UBE2G1: variants seen among roughly 807,000 people sequenced by gnomAD.
UBE2G1 encodes the protein ubiquitin-conjugating enzyme E2 G1.
In UBE2G1, 5 loss-of-function variants were observed where a neutral mutation model predicts 22.7. The ratio of observed to expected loss-of-function variants is 0.22; its 90% confidence interval spans 0.12 to 0.46. The LOEUF is 0.46. Among genes scored for constraint, UBE2G1 ranks in the 20% least tolerant of loss-of-function variants. UBE2G1 has a pLI of 0.99. For synonymous variants in UBE2G1, 74 were observed against 67.5 expected (o/e 1.10, Z -0.47); for missense variants, 88 against 203.9 (o/e 0.43, Z 3.46).
intron 1 of UBE2G1, among the ~76,000 whole-genome samples, chr17:4,350,963 G>A (rs1206791454): frequency 6.6e-6 from 1 of 150,550 alleles, no homozygotes; most frequent in East Asian, 2.0e-4. Flanking sequence ...AACTCGGGAG[G>A]CAGAGCTTGC....
intron 1 of UBE2G1, among the ~76,000 whole-genome samples, chr17:4,361,769 G>A (rs1969970342): frequency 6.6e-6 from 1 of 151,660 alleles, no homozygotes; most frequent in South Asian, 2.1e-4. Flanking sequence ...CAAAAACCCT[G>A]TCTCTACTAA....
At chr17:4,287,972 T>C (rs1300746319) in intron 4 of UBE2G1, among the ~76,000 whole-genome samples, 4 of 152,052 alleles carry the variant, frequency 2.6e-5, no homozygotes, top group Admixed American at 2.6e-4. Flanking sequence ...TAAACAATAA[T>C]AGTACTACAT....
At chr17:4,298,648 T>G (rs187550997) in intron 2 of UBE2G1, among the ~76,000 whole-genome samples, 3 of 152,248 alleles carry the variant, frequency 2.0e-5, no homozygotes, top group Admixed American at 6.5e-5. Context: ...ATACAATTTT[T>G]TTAGTAAAAA....
chr17:4,366,437 G>T lies in UBE2G1; in HGVS notation c.-121C>A. The T allele has an allele frequency of 3.8e-6, 4 of 1,045,644 alleles. No individual in the cohort carries two copies. The highest frequency in any genetic ancestry group is 5.1e-6 in the Non-Finnish European group (4 of 791,672). 64.8% of individuals were successfully genotyped at this position (1,045,644 alleles called of 1,614,324 possible). On this transcript the variant is annotated 5_prime_UTR_variant, in exon 1 of 6. Transcript: ENST00000396981. ...GCCCCGCGACCGGAGCGCCGGAGCC[G>T]AGGAAGGCCGGGCTGAGGCGGCGGG...
chr17:4,296,597 G>A, intron 3 of UBE2G1, 120 bp downstream of exon 3: 1 of 994,780 alleles, frequency 1.0e-6, no homozygotes, highest in Non-Finnish European at 1.6e-6. Flanking sequence ...TGTGCACAAT[G>A]AACAGTACAA....
chr17:4,294,005 T>C (rs1038175067), intron 3 of UBE2G1, among the ~76,000 whole-genome samples: 4 of 152,238 alleles, frequency 2.6e-5, no homozygotes, highest in African/African-American at 9.6e-5. Context: ...ATAGCTTTTT[T>C]ATTTTTTGTC....
At chr17:4,287,064 T>C (rs1181125647) in intron 4 of UBE2G1, among the ~76,000 whole-genome samples, 1 of 149,214 alleles carries the variant, frequency 6.7e-6, no homozygotes, top group African/African-American at 2.5e-5. Context: ...AATAAATAAA[T>C]ACATACATAA....
chr17:4,278,643 T>C (rs916289822), intron 5 of UBE2G1, among the ~76,000 whole-genome samples: 4 of 152,236 alleles, frequency 2.6e-5, no homozygotes, highest in Non-Finnish European at 5.9e-5. Context: ...TATATTTAAT[T>C]CAATTTTTAA....
At chr17:4,280,284 G>T (rs1209604839) in intron 5 of UBE2G1, among the ~76,000 whole-genome samples, 1 of 142,598 alleles carries the variant, frequency 7.0e-6, no homozygotes, top group Non-Finnish European at 1.5e-5. Flanking sequence ...TAATCCACCT[G>T]CCTCAGCTCC....
At chr17:4,352,143 A>G (rs927366857) in intron 1 of UBE2G1, among the ~76,000 whole-genome samples, 1 of 152,224 alleles carries the variant, frequency 6.6e-6, no homozygotes, top group Non-Finnish European at 1.5e-5. Flanking sequence ...AAAGGATCAT[A>G]TGACCCCACA....
chr17:4,352,904 G>A (rs571209731), intron 1 of UBE2G1, among the ~76,000 whole-genome samples: 40 of 152,040 alleles, frequency 2.6e-4, no homozygotes, highest in Non-Finnish European at 3.4e-4. Context: ...GAGAAACCCC[G>A]TCTCTACTAA....
intron 1 of UBE2G1, among the ~76,000 whole-genome samples, chr17:4,331,076 A>G (rs770937154): frequency 5.9e-5 from 9 of 151,872 alleles, no homozygotes; most frequent in Non-Finnish European, 1.2e-4. Flanking sequence ...ACCTAGCAGA[A>G]TCAAACATTT....
intron 1 of UBE2G1, among the ~76,000 whole-genome samples, chr17:4,320,056 A>G (rs1263197207): frequency 6.6e-6 from 1 of 151,848 alleles, no homozygotes; most frequent in Admixed American, 6.6e-5. Flanking sequence ...CATTGGTCCT[A>G]TTTTTACATT....
At chr17:4,362,042 CTA>C (rs1461094039) in intron 1 of UBE2G1, among the ~76,000 whole-genome samples, 2 of 150,406 alleles carry the variant, frequency 1.3e-5, no homozygotes, top group Admixed American at 6.6e-5. Flanking sequence ...GGTGAAAAGA[CTA>C]TGTTTTTTTG....
In UBE2G1 at chr17:4,366,510, A is replaced by C; in HGVS notation, c.-194T>G. The stretch of plus-strand genomic sequence containing the variant: ...GAGTCCGCTCGCTTCAGCTCTTTTC[A>C]CAGCGACTCACGCCCGGAAGGGGAG... On this transcript the variant is annotated 5_prime_UTR_variant, in exon 1 of 6. Transcript: ENST00000396981. The C allele has an allele frequency of 2.2e-6, 1 of 453,024 alleles. No individual in the cohort carries two copies. Among genetic ancestry groups the C allele is most frequent in the Non-Finnish European group, 3.8e-6 (1 of 266,408 alleles). 28.1% of individuals were successfully genotyped at this position (453,024 alleles called of 1,614,324 possible).
At chr17:4,364,883 C>T (rs941183368) in intron 1 of UBE2G1, among the ~76,000 whole-genome samples, 7 of 152,272 alleles carry the variant, frequency 4.6e-5, no homozygotes, top group African/African-American at 1.7e-4. Flanking sequence ...CGCCCGGCCT[C>T]AGTGCTTTTC....
chr17:4,365,438 G>C lies in UBE2G1; in HGVS notation c.46+833C>G, dbSNP rs1041802537. Among the ~76,000 whole-genome samples, 4 of 152,338 alleles carry C rather than the reference G, an allele frequency of 2.6e-5. No homozygotes were observed. In the East Asian group the frequency reaches 5.8e-4, roughly 22 times the overall value. The stretch of plus-strand genomic sequence containing the variant: ...GAAGCCGCAAACGGCCGGAGGCCGG[G>C]ACAATGGGGGAGGGGGGCCGCAGGC... On this transcript the variant is annotated intron_variant, in intron 1 of 5. Coordinates refer to ENST00000396981, the MANE Select transcript of UBE2G1 (RefSeq NM_003342.5).
At chr17:4,282,768 A>T in intron 5 of UBE2G1, 30 bp downstream of exon 5, 3 of 1,463,548 alleles carry the variant, frequency 2.0e-6, no homozygotes, top group Non-Finnish European at 2.8e-6. Flanking sequence ...TTACAAAAAA[A>T]CAAAAGTATG....
At chr17:4,290,829 G>A (rs1969027285) in intron 3 of UBE2G1, among the ~76,000 whole-genome samples, 1 of 147,720 alleles carries the variant, frequency 6.8e-6, no homozygotes, top group Non-Finnish European at 1.5e-5. Flanking sequence ...ATATTGCCCA[G>A]GCTGGTCCCA....
Sources: allele counts gnomAD v4.1 joint callset (sites outside exome capture counted in the v4.1 genomes callset), GRCh38; gene constraint gnomAD v4.1.1; transcripts MANE v1.5; gene names NCBI Gene and HGNC (gene_info 2026-07-23, HGNC 2026-07-21).